The following CDH8 variants were observed in gnomAD, a reference collection of about 807,000 sequenced individuals.
CDH8 encodes the protein cadherin-8.
In CDH8, 17 loss-of-function variants were observed where a neutral mutation model predicts 68.1. That is an observed-to-expected ratio of 0.25 (90% CI 0.17 to 0.37). The LOEUF is 0.37. Among genes scored for constraint, CDH8 ranks in the 10% least tolerant of loss-of-function variants. The pLI, the probability that CDH8 is intolerant of heterozygous loss-of-function variation, is 1.00. For missense variants in CDH8, 763 were observed against 999.3 expected, an observed-to-expected ratio of 0.76 and a Z score of 3.19; for synonymous variants, 372 against 365.1, an observed-to-expected ratio of 1.02 and a Z score of -0.21.
At chr16:61,750,432 T>C (rs1435348345) in intron 8 of CDH8, among the ~76,000 whole-genome samples, 1 of 152,146 alleles carries the variant, frequency 6.6e-6, no homozygotes, top group East Asian at 1.9e-4. Flanking sequence ...TTCTGACTAA[T>C]GTTTTAGTGA....
intron 10 of CDH8, among the ~76,000 whole-genome samples, chr16:61,703,978 C>T (rs889239034): frequency 6.6e-6 from 1 of 152,164 alleles, no homozygotes; most frequent in Non-Finnish European, 1.5e-5. Context: ...GATGTAAGCA[C>T]ATCAAGATAC....
rs1421866719 is a variant in CDH8 at position 62,006,910 on chromosome 16, T to C, written c.252+14242A>G. On this transcript the variant is annotated intron_variant, in intron 2 of 11. Coordinates refer to ENST00000577390, the MANE Select transcript of CDH8 (RefSeq NM_001796.5). ...TTCAAAAGCCCATTTCATAATCTTT[T>C]TGTTTTTTTTTTTTTGAGACCGAGT... Among the ~76,000 whole-genome samples the C allele has an allele frequency of 5.1e-4, 20 of 39,582 alleles. No individual in the cohort carries two copies. In the Admixed American group the frequency reaches 6.7e-3, roughly 13 times the overall value. 26.0% of individuals were successfully genotyped at this position (39,582 alleles called of 152,430 possible). A position where few individuals can be genotyped will look rare whatever the true frequency, so the allele number is the denominator to read the frequency against.
chr16:61,729,090 T>C (rs1164676057), intron 8 of CDH8, among the ~76,000 whole-genome samples: 1 of 151,200 alleles, frequency 6.6e-6, no homozygotes, highest in Non-Finnish European at 1.5e-5. Flanking sequence ...TCATTCAATC[T>C]GCACAAAAAA....
intron 2 of CDH8, among the ~76,000 whole-genome samples, chr16:61,967,904 G>A (rs964847880): frequency 9.2e-5 from 14 of 152,172 alleles, no homozygotes; most frequent in African/African-American, 3.4e-4. Flanking sequence ...CGCCTCCTGG[G>A]TTCAAGCAAT....
intron 8 of CDH8, among the ~76,000 whole-genome samples, chr16:61,748,397 T>A (rs1960078739): frequency 6.6e-6 from 1 of 152,024 alleles, no homozygotes; most frequent in African/African-American, 2.4e-5. Context: ...CAACATCCAT[T>A]CATTAAACAA....
In CDH8 at chr16:61,768,395, C is replaced by CTCTCTCTCTCTCT. The variant is rs1567461337; in HGVS notation, c.1414+20950_1414+20951insAGAGAGAGAGAGA. On this transcript the variant is annotated intron_variant, in intron 8 of 11. Coordinates refer to ENST00000577390, the MANE Select transcript of CDH8 (RefSeq NM_001796.5). ...CTTTCTCTCTCTCTCTCTCTCTCTCCCTTTCTCTCTCTCTCTCTCTCTCTC... is the reference window on the plus strand; with the variant it reads ...CTTTCTCTCTCTCTCTCTCTCTCTCCTCTCTCTCTCTCTCTTTCTCTCTCTCTCTCTCTCTCTC... Among the ~76,000 whole-genome samples, 2 of 23,440 alleles carry CTCTCTCTCTCTCT rather than the reference C, an allele frequency of 8.5e-5. 1 individual carries two copies. Among genetic ancestry groups the CTCTCTCTCTCTCT allele is most frequent in the Non-Finnish European group, 1.5e-4 (2 of 13,590 alleles). 15.4% of individuals were successfully genotyped at this position (23,440 alleles called of 152,430 possible). A position where few individuals can be genotyped will look rare whatever the true frequency, so the allele number is the denominator to read the frequency against.
At chr16:61,763,930 TAAC>T (rs1462624353) in intron 8 of CDH8, among the ~76,000 whole-genome samples, 1 of 152,140 alleles carries the variant, frequency 6.6e-6, no homozygotes, top group African/African-American at 2.4e-5. Flanking sequence ...TAATAATAGT[TAAC>T]AATCGCAACT....
chr16:61,822,262 G>GTC (rs1354522529), intron 5 of CDH8, among the ~76,000 whole-genome samples: 2 of 75,582 alleles, frequency 2.6e-5, no homozygotes, highest in African/African-American at 9.9e-5. Flanking sequence ...TTCTCTCTCT[G>GTC]TCTCTCTCTC....
chr16:61,944,808 A>G (rs1964775818), intron 2 of CDH8, among the ~76,000 whole-genome samples: 1 of 152,230 alleles, frequency 6.6e-6, no homozygotes, highest in Non-Finnish European at 1.5e-5. Flanking sequence ...CCAATGCAAC[A>G]GGCATGGTTC....
At chr16:61,720,443 T>C (rs1959208580) in intron 9 of CDH8, among the ~76,000 whole-genome samples, 1 of 150,906 alleles carries the variant, frequency 6.6e-6, no homozygotes, top group South Asian at 2.1e-4. Context: ...ACAATAAAAA[T>C]ATATCAGTCC....
At chr16:61,723,871 C>A (rs1959264701) in intron 9 of CDH8, among the ~76,000 whole-genome samples, 1 of 150,678 alleles carries the variant, frequency 6.6e-6, no homozygotes, top group African/African-American at 2.4e-5. Flanking sequence ...GCCAAATAAT[C>A]TGCAAATGAC....
chr16:61,782,772 T>C (rs1961111433), intron 8 of CDH8, among the ~76,000 whole-genome samples: 1 of 152,000 alleles, frequency 6.6e-6, no homozygotes, highest in Non-Finnish European at 1.5e-5. Context: ...CTCAAGTGGG[T>C]CCCTGACCCC....
At chr16:61,754,955 T>C (rs1960274085) in intron 8 of CDH8, among the ~76,000 whole-genome samples, 1 of 152,184 alleles carries the variant, frequency 6.6e-6, no homozygotes, top group South Asian at 2.1e-4. Context: ...ATCAGTCTAC[T>C]GTTGCCAGTT....
chr16:61,727,085 G>A lies in CDH8; in HGVS notation c.1536+9C>T, dbSNP rs763106444. The A allele has an allele frequency of 6.2e-7, 1 of 1,610,370 alleles. No homozygotes were observed. The highest frequency in any genetic ancestry group is 8.5e-7 in the Non-Finnish European group (1 of 1,177,542). ...ACATATTCAGCATTAACAACATGGA[G>A]ATATTTACTTGGCCGGGTTTTCCAT... On this transcript the variant is annotated intron_variant, in intron 9 of 11. Transcript: ENST00000577390.
intron 2 of CDH8, among the ~76,000 whole-genome samples, chr16:61,926,974 A>G (rs150582860): frequency 1.2e-4 from 19 of 152,354 alleles, no homozygotes; most frequent in Non-Finnish European, 2.6e-4. Context: ...AAGGCATTGC[A>G]TGAGTCATCG....
At chr16:61,795,512 C>T (rs1961475655) in intron 7 of CDH8, among the ~76,000 whole-genome samples, 1 of 152,050 alleles carries the variant, frequency 6.6e-6, no homozygotes, top group Admixed American at 6.6e-5. Flanking sequence ...AGAAAATCTA[C>T]TTCACAAGGA....
At position 61,715,791 on chromosome 16, in the gene CDH8, G is replaced by T. The variant is rs572412989; in HGVS notation, c.1537-1833C>A. Among the ~76,000 whole-genome samples the T allele has an allele frequency of 1.9e-3, 290 of 151,620 alleles. 1 individual carries two copies. Among genetic ancestry groups the T allele is most frequent in the African/African-American group, 6.6e-3 (274 of 41,428 alleles). Reference sequence around the variant, plus strand: ...ATCAACATGAGTTAAAGTACAAGGGGTCTAGATTTGAAACATGGATAACTC... The same window carrying T: ...ATCAACATGAGTTAAAGTACAAGGGTTCTAGATTTGAAACATGGATAACTC... On this transcript the variant is annotated intron_variant, in intron 9 of 11. Transcript: ENST00000577390.
chr16:61,691,318 T>C (rs1964217954), intron 10 of CDH8, among the ~76,000 whole-genome samples: 1 of 152,096 alleles, frequency 6.6e-6, no homozygotes, highest in Non-Finnish European at 1.5e-5. Context: ...ATTTTACCTA[T>C]TTGCACTATC....
chr16:61,704,605 C>T (rs910776397), intron 10 of CDH8, among the ~76,000 whole-genome samples: 2 of 152,082 alleles, frequency 1.3e-5, no homozygotes, highest in Admixed American at 1.3e-4. Context: ...GGCTTTTATC[C>T]TACATTCTTT....
Sources: allele counts gnomAD v4.1 joint callset (sites outside exome capture counted in the v4.1 genomes callset), GRCh38; gene constraint gnomAD v4.1.1; transcripts MANE v1.5; gene names NCBI Gene and HGNC (gene_info 2026-07-23, HGNC 2026-07-21).